Variants in CELSR1 observed in about 807,000 individuals in gnomAD.
The protein encoded by CELSR1 is cadherin EGF LAG seven-pass G-type receptor 1, also known as adhesion G protein-coupled receptor C1.
In CELSR1, 110 loss-of-function variants were observed where a neutral mutation model predicts 249.1. That is an observed-to-expected ratio of 0.44 (90% CI 0.38 to 0.52). The LOEUF (loss-of-function observed/expected upper bound fraction) is 0.52, where lower values mean the gene tolerates loss of function less well. Ranked by LOEUF, CELSR1 falls within the 20% of genes least tolerant of loss-of-function variation. The pLI, the probability that CELSR1 is intolerant of heterozygous loss-of-function variation, is 0.00. For missense variants in CELSR1, 4,109 were observed against 4,296.4 expected (o/e 0.96, Z 1.22); for synonymous variants, 2,113 against 1,900.0 (o/e 1.11, Z -2.92).
Position 46,430,507 on chromosome 22 carries a change from C to T in CELSR1, c.4611+2886G>A, listed in dbSNP as rs1474764893. ...TGCAGCCCCAGCCCTGAGCCCCTCTCAACTGGTCATGGCCCTGGACACCCC... is the reference window on the plus strand; with the variant it reads ...TGCAGCCCCAGCCCTGAGCCCCTCTTAACTGGTCATGGCCCTGGACACCCC... On this transcript the variant is annotated intron_variant, in intron 5 of 34. Coordinates refer to ENST00000674500, the MANE Select transcript of CELSR1 (RefSeq NM_001378328.1). The surrounding 1 kb of genome is among the most constrained non-coding windows in gnomAD (Gnocchi z 4.6). Among the ~76,000 whole-genome samples, 1 of 152,112 alleles carries T rather than the reference C, an allele frequency of 6.6e-6. No individual in the cohort carries two copies. The highest frequency in any genetic ancestry group is 1.5e-5 in the Non-Finnish European group (1 of 68,022).
chr22:46,534,955 C>T lies in CELSR1; in HGVS notation c.2216G>A (p.Arg739Lys). The T allele has an allele frequency of 6.2e-7, 1 of 1,612,494 alleles. No individual in the cohort carries two copies. The highest frequency in any genetic ancestry group is 8.5e-7 in the Non-Finnish European group (1 of 1,179,918). Residue 739 changes from arginine (R) to lysine (K), a missense_variant, in exon 1 of 35, where the codon AGA becomes AAA. Physicochemically the swap from Arg to Lys is conservative, Grantham distance 26 (BLOSUM62 2). Around this residue, in one of 7 missense-constraint regions of CELSR1, gnomAD observed 886 missense variants for 896.5 expected, o/e 0.99. Coordinates refer to ENST00000674500, the MANE Select transcript of CELSR1 (RefSeq NM_001378328.1). This position sits in a 1 kb window ranked among gnomAD's most constrained non-coding sequence, Gnocchi z 9.7. Reference protein sequence around the residue: ...TRNRFALSSQRGGGLITLALP... With the variant: ...TRNRFALSSQKGGGLITLALP... ...CGCCAGGGTGATGAGGCCGCCCCCTCTCTGGCTGCTGAGTGCAAAGCGGTT... is the reference window on the plus strand; with the variant it reads ...CGCCAGGGTGATGAGGCCGCCCCCTTTCTGGCTGCTGAGTGCAAAGCGGTT...
At position 46,390,538 on chromosome 22, in the gene CELSR1, T is replaced by C. The variant is rs2079079111; in HGVS notation, c.6251-52A>G. 1 of 1,389,468 alleles carries C rather than the reference T, an allele frequency of 7.2e-7. No homozygotes were observed. Among genetic ancestry groups the C allele is most frequent in the South Asian group, 1.2e-5 (1 of 83,502 alleles). The allele number at this position is 1,389,468 out of a possible 1,614,324, so 86.1% of individuals were successfully genotyped here. On this transcript the variant is annotated intron_variant, in intron 16 of 34. Transcript: ENST00000674500. The surrounding 1 kb of genome is among the most constrained non-coding windows in gnomAD (Gnocchi z 6.3). ...GCCTGAAACTCAAACTGTTGATCAA[T>C]GCTTGTGTATTTCAATCCACAATCT...
At chr22:46,479,135 C>T (rs1291993129) in intron 1 of CELSR1, among the ~76,000 whole-genome samples, 1 of 151,648 alleles carries the variant, frequency 6.6e-6, no homozygotes. Flanking sequence ...TCTCCTTGCC[C>T]GGAGTCTCGC....
chr22:46,512,520 C>T lies in CELSR1; in HGVS notation c.3544+21107G>A, dbSNP rs944955445. On this transcript the variant is annotated intron_variant, in intron 1 of 34. Coordinates refer to ENST00000674500, the MANE Select transcript of CELSR1 (RefSeq NM_001378328.1). This position sits in a 1 kb window ranked among gnomAD's most constrained non-coding sequence, Gnocchi z 5.2. ...CCGGGAGGCGGAGGTTTCAGTGAGC[C>T]GAGATCACACCACTGCACTCCAGCC... 2.6e-5 allele frequency among the ~76,000 whole-genome samples: 4 copies of T among 151,662 alleles called. No homozygotes were observed. The highest frequency in any genetic ancestry group is 9.7e-5 in the African/African-American group (4 of 41,208).
chr22:46,489,444 C>T (rs1310301584), intron 1 of CELSR1, among the ~76,000 whole-genome samples: 2 of 151,702 alleles, frequency 1.3e-5, no homozygotes, highest in Non-Finnish European at 2.9e-5. Context: ...AGCTTGGGGG[C>T]CCCAAACCTC....
chr22:46,463,164 G>A lies in CELSR1; in HGVS notation c.4183+543C>T, dbSNP rs558651317. ...CTCCTAAAGCAGGCAGTTAAGTCGG[G>A]CAGGGAAAGTGAGTAAGCCGTGGGC... On this transcript the variant is annotated intron_variant, in intron 2 of 34. Transcript: ENST00000674500. Among the ~76,000 whole-genome samples, 86 of 152,326 alleles carry A rather than the reference G, an allele frequency of 5.6e-4. 2 individuals carry two copies. In the South Asian group the frequency reaches 0.017, roughly 30 times the overall value.
intron 1 of CELSR1, among the ~76,000 whole-genome samples, chr22:46,493,050 C>G (rs2080382327): frequency 6.6e-6 from 1 of 151,958 alleles, no homozygotes; most frequent in Admixed American, 6.6e-5. Context: ...TCCAGACCAG[C>G]CTGGGAAACA....
At position 46,402,990 on chromosome 22, in the gene CELSR1, T is replaced by G. The variant is rs974399701; in HGVS notation, c.5227-3088A>C. 6.6e-6 allele frequency among the ~76,000 whole-genome samples: 1 copy of G among 151,712 alleles called. No homozygotes were observed. The highest frequency in any genetic ancestry group is 2.4e-5 in the African/African-American group (1 of 41,272). On this transcript the variant is annotated intron_variant, in intron 9 of 34. Coordinates refer to ENST00000674500, the MANE Select transcript of CELSR1 (RefSeq NM_001378328.1). This position sits in a 1 kb window ranked among gnomAD's most constrained non-coding sequence, Gnocchi z 5.0. ...ATATAAATACCAACCAAAAGACAAA[T>G]GGTATAGCTATGTTAATATGAGACA...
intron 27 of CELSR1, among the ~76,000 whole-genome samples, chr22:46,368,284 A>T (rs1354353331): frequency 6.6e-6 from 1 of 152,066 alleles, no homozygotes; most frequent in Non-Finnish European, 1.5e-5. Flanking sequence ...TACAAGGGGA[A>T]GACAAAGGCG....
chr22:46,422,640 G>A (rs1044897655), intron 5 of CELSR1, among the ~76,000 whole-genome samples: 3 of 151,258 alleles, frequency 2.0e-5, no homozygotes, highest in Non-Finnish European at 4.4e-5. Context: ...GGTGGTGGGC[G>A]CCTGTAGTCC....
rs78200776 is a variant in CELSR1, at chr22:46,459,432, G to A, written c.4183+4275C>T. On this transcript the variant is annotated intron_variant, in intron 2 of 34. Transcript: ENST00000674500. Reference sequence around the variant, plus strand: ...GCCCCTTTCAACCAGCACAGAAGGCGCCTTTCACAAAATGCTGTTAAACAA... The same window carrying A: ...GCCCCTTTCAACCAGCACAGAAGGCACCTTTCACAAAATGCTGTTAAACAA... Among the ~76,000 whole-genome samples the A allele has an allele frequency of 7.8e-3, 1,194 of 152,290 alleles. 9 individuals carry two copies. Among genetic ancestry groups the A allele is most frequent in the African/African-American group, 0.027 (1,111 of 41,554 alleles).
intron 4 of CELSR1, among the ~76,000 whole-genome samples, chr22:46,435,774 C>G (rs966170093): frequency 3.3e-5 from 5 of 152,190 alleles, no homozygotes; most frequent in African/African-American, 1.2e-4. Context: ...GATCTCACCT[C>G]ACTGCACCCT....
In CELSR1 at chr22:46,386,590, TCAGA is replaced by T; in HGVS notation, c.6556-9_6556-6del. On this transcript the variant is annotated splice_polypyrimidine_tract_variant and splice_region_variant and intron_variant, in intron 18 of 34. Coordinates refer to ENST00000674500, the MANE Select transcript of CELSR1 (RefSeq NM_001378328.1). ...GCTGCCCGAGTGGATGACGTCCTGG[TCAGA>T]CAGACAGCACTCAGTACTCAGCCTG... 2.5e-6 allele frequency: 4 copies of T among 1,585,222 alleles called. No individual in the cohort carries two copies. The highest frequency in any genetic ancestry group is 1.1e-5 in the South Asian group (1 of 88,220).
In CELSR1 at chr22:46,409,660, G is replaced by C; in HGVS notation, c.5059+95C>G. On this transcript the variant is annotated intron_variant, in intron 8 of 34. Transcript: ENST00000674500. The surrounding 1 kb of genome is among the most constrained non-coding windows in gnomAD (Gnocchi z 9.8). ...ATACCACCAGAGGCTGCCGGACCTGGATGTGAAGCCCCCTCACGGTGGTCC... is the reference window on the plus strand; with the variant it reads ...ATACCACCAGAGGCTGCCGGACCTGCATGTGAAGCCCCCTCACGGTGGTCC... 2.0e-6 allele frequency: 3 copies of C among 1,475,326 alleles called. No homozygotes were observed. The highest frequency in any genetic ancestry group is 2.8e-6 in the Non-Finnish European group (3 of 1,072,566). 91.4% of individuals were successfully genotyped at this position (1,475,326 alleles called of 1,614,324 possible).
chr22:46,517,906 T>TC lies in CELSR1; in HGVS notation c.3544+15720_3544+15721insG, dbSNP rs1555935947. Among the ~76,000 whole-genome samples, 3 of 145,864 alleles carry TC rather than the reference T, an allele frequency of 2.1e-5. No individual in the cohort carries two copies. The highest frequency in any genetic ancestry group is 7.5e-5 in the African/African-American group (3 of 40,036). On this transcript the variant is annotated intron_variant, in intron 1 of 34. Transcript: ENST00000674500. This position sits in a 1 kb window ranked among gnomAD's most constrained non-coding sequence, Gnocchi z 5.4. ...ACACCTCCCACGGTGTCCCCTTCCT[T>TC]TTTTTTTTTTTTTGAGACAGAGTTT...
At position 46,367,613 on chromosome 22, in the gene CELSR1, C is replaced by T. The variant is rs537317323; in HGVS notation, c.8079+116G>A. 4,181 of 1,423,724 alleles carry T rather than the reference C, an allele frequency of 2.9e-3. 10 individuals carry two copies. The highest frequency in any genetic ancestry group is 3.5e-3 in the Non-Finnish European group (3,673 of 1,058,196). 88.2% of individuals were successfully genotyped at this position (1,423,724 alleles called of 1,614,324 possible). On this transcript the variant is annotated intron_variant, in intron 28 of 34. Coordinates refer to ENST00000674500, the MANE Select transcript of CELSR1 (RefSeq NM_001378328.1). ...TCCTCACAGCCACAGGAGGCCCCCACGCGGGACCCAGGCAGGGCTGGTTTG... is the reference window on the plus strand; with the variant it reads ...TCCTCACAGCCACAGGAGGCCCCCATGCGGGACCCAGGCAGGGCTGGTTTG...
In CELSR1 at chr22:46,489,558, T is replaced by C. The variant is rs537933913; in HGVS notation, c.3545-25213A>G. Among the ~76,000 whole-genome samples, 40 of 151,948 alleles carry C rather than the reference T, an allele frequency of 2.6e-4. 1 individual carries two copies. In the South Asian group the frequency reaches 7.9e-3, roughly 30 times the overall value. On this transcript the variant is annotated intron_variant, in intron 1 of 34. Transcript: ENST00000674500. ...TAAGAGGAGAGACATGGCCCACACT[T>C]GGACAGAGCTGGGTTTCTCTCATAC...
At chr22:46,455,376 C>G (rs1332972020) in intron 2 of CELSR1, among the ~76,000 whole-genome samples, 2 of 152,144 alleles carry the variant, frequency 1.3e-5, no homozygotes, top group Non-Finnish European at 2.9e-5. Flanking sequence ...ATTACAGGTG[C>G]CTGCCACCGC....
chr22:46,436,264 A>C lies in CELSR1; in HGVS notation c.4432T>G (p.Leu1478Val). 3.7e-6 allele frequency: 6 copies of C among 1,614,070 alleles called. No individual in the cohort carries two copies. Among genetic ancestry groups the C allele is most frequent in the Non-Finnish European group, 5.1e-6 (6 of 1,179,978 alleles). Residue 1478 changes from leucine (L) to valine (V), a missense_variant, in exon 4 of 35, where the codon TTG (leucine) becomes GTG (valine). Around this residue, in one of 7 missense-constraint regions of CELSR1, gnomAD observed 453 missense variants for 492.0 expected, o/e 0.92. Coordinates refer to ENST00000674500, the MANE Select transcript of CELSR1 (RefSeq NM_001378328.1). This position sits in a 1 kb window ranked among gnomAD's most constrained non-coding sequence, Gnocchi z 5.9. ...TTGAAGCGGCCGTTGTAGAGAAGCA[A>C]GCCGTTCCTTTCCTGAGTGGCAAAC... ...LTFATQERNG[L>V]LLYNGRFNEK...
Sources: allele counts gnomAD v4.1 joint callset (sites outside exome capture counted in the v4.1 genomes callset), GRCh38; gene constraint gnomAD v4.1.1; regional missense constraint gnomAD v4.1.1; non-coding constraint Gnocchi (gnomAD v3.1); transcripts MANE v1.5; gene names NCBI Gene and HGNC (gene_info 2026-07-23, HGNC 2026-07-21).